Variants in COL5A1 observed in about 807,000 individuals in gnomAD.
COL5A1 encodes the protein collagen alpha-1(V) chain.
COL5A1 carries 16 observed loss-of-function variants against 263.7 expected under a neutral mutation model. That is an observed-to-expected ratio of 0.06 (90% confidence interval 0.04 to 0.09). The LOEUF (loss-of-function observed/expected upper bound fraction) is 0.09, where lower values mean the gene tolerates loss of function less well. Ranked by LOEUF, COL5A1 falls within the 10% of genes least tolerant of loss-of-function variation. The probability of loss-of-function intolerance (pLI) is 1.00; values close to 1 mark genes in which losing one functional copy is unlikely to be tolerated. For synonymous variants in COL5A1, 1,012 were observed against 1,004.5 expected (o/e 1.01, Z -0.14); for missense variants, 2,036 against 2,540.5 (o/e 0.80, Z 4.27).
intron 20 of COL5A1, 97 bp downstream of exon 20, chr9:134,763,834 C>T: frequency 8.0e-7 from 1 of 1,253,006 alleles, no homozygotes; most frequent in Admixed American, 1.9e-5. Flanking sequence ...CAGCCAGGAG[C>T]TTAGAAGAGA....
chr9:134,746,716 A>G (rs1281586936), intron 11 of COL5A1, among the ~76,000 whole-genome samples: 2 of 152,252 alleles, frequency 1.3e-5, no homozygotes, highest in Non-Finnish European at 2.9e-5. Context: ...TTGCTGTTTG[A>G]CCAAGTTAGG....
intron 27 of COL5A1, among the ~76,000 whole-genome samples, chr9:134,775,649 C>T (rs904701100): frequency 6.6e-6 from 1 of 152,180 alleles, no homozygotes; most frequent in Non-Finnish European, 1.5e-5. Context: ...TAGGCGCACG[C>T]GGACCAGCTC....
rs1039845467 is a variant in COL5A1 at position 134,642,383 on chromosome 9, A to T, written c.109+87A>T. ...CATCCCCGGGCGCCTTCGCCCGCAG[A>T]ACTTTTCTTCCTTGGCCTGTGGAAT... is the stretch of plus-strand genomic sequence containing the variant. On this transcript the variant is annotated intron_variant, in intron 1 of 65. Transcript: ENST00000371817. This position sits in a 1 kb window ranked among gnomAD's most constrained non-coding sequence, Gnocchi z 4.5. The T allele has an allele frequency of 1.1e-5, 3 of 278,126 alleles. No homozygotes were observed. Among genetic ancestry groups the T allele is most frequent in the Non-Finnish European group, 1.9e-5 (3 of 159,784 alleles). The allele number at this position is 278,126 out of a possible 1,614,324, so 17.2% of individuals were successfully genotyped here. A position where few individuals can be genotyped will look rare whatever the true frequency, so the allele number is the denominator to read the frequency against.
chr9:134,730,840 G>T (rs374893700), intron 7 of COL5A1, among the ~76,000 whole-genome samples: 1 of 152,190 alleles, frequency 6.6e-6, no homozygotes, highest in African/African-American at 2.4e-5. Flanking sequence ...CCTGGGTGTG[G>T]CCAGGCAGGA....
chr9:134,670,436 C>T (rs1832504907), intron 1 of COL5A1, among the ~76,000 whole-genome samples: 2 of 152,296 alleles, frequency 1.3e-5, no homozygotes, highest in South Asian at 4.1e-4. Context: ...CAGGTGGACC[C>T]CATGTCCGAG....
chr9:134,761,437 A>C (rs1836438845), intron 18 of COL5A1, among the ~76,000 whole-genome samples: 2 of 152,172 alleles, frequency 1.3e-5, no homozygotes, highest in African/African-American at 4.8e-5. Context: ...ATGTTCTCCA[A>C]CAACCACATG....
chr9:134,788,119 G>A (rs527420998), intron 31 of COL5A1, among the ~76,000 whole-genome samples: 2 of 149,348 alleles, frequency 1.3e-5, no homozygotes, highest in African/African-American at 4.9e-5. Context: ...GTGGGCAGGT[G>A]GGGTAGATAC....
intron 4 of COL5A1, among the ~76,000 whole-genome samples, chr9:134,702,122 C>T (rs1220602279): frequency 1.3e-5 from 2 of 152,194 alleles, no homozygotes; most frequent in Non-Finnish European, 2.9e-5. Flanking sequence ...TGGACTCTGC[C>T]CTTCCCAAGG....
At chr9:134,761,193 C>T (rs1454673488) in intron 18 of COL5A1, among the ~76,000 whole-genome samples, 2 of 146,526 alleles carry the variant, frequency 1.4e-5, no homozygotes, top group African/African-American at 2.5e-5. Flanking sequence ...CACCCCCCAT[C>T]CCCCCACATG....
intron 14 of COL5A1, 80 bp from the exon 15 acceptor site, chr9:134,753,770 C>T: frequency 6.5e-6 from 5 of 764,272 alleles, no homozygotes; most frequent in Non-Finnish European, 1.1e-5. Context: ...CCCCCTGCCC[C>T]TCCCCTGCCA....
In COL5A1 at chr9:134,754,242, C is replaced by T; in HGVS notation, c.1774-31C>T. ...CTTTCTCCTGAGAAAGGCGGACTCG[C>T]CACTGACCCTTTGTCTCTTACCCCT... On this transcript the variant is annotated intron_variant, in intron 15 of 65. Transcript: ENST00000371817. The surrounding 1 kb of genome is among the most constrained non-coding windows in gnomAD (Gnocchi z 4.3). 1 of 1,611,530 alleles carries T rather than the reference C, an allele frequency of 6.2e-7. No homozygotes were observed. The highest frequency in any genetic ancestry group is 8.5e-7 in the Non-Finnish European group (1 of 1,178,866).
rs1396538035 is a variant in COL5A1 at position 134,652,744 on chromosome 9, G to C, written c.109+10448G>C. 1 of 470,688 alleles carries C rather than the reference G, an allele frequency of 2.1e-6. No homozygotes were observed. The highest frequency in any genetic ancestry group is 2.4e-5 in the Admixed American group (1 of 42,548). The allele number at this position is 470,688 out of a possible 1,614,324, so 29.2% of individuals were successfully genotyped here. On this transcript the variant is annotated intron_variant, in intron 1 of 65. Coordinates refer to ENST00000371817, the MANE Select transcript of COL5A1 (RefSeq NM_000093.5). The surrounding 1 kb of genome is among the most constrained non-coding windows in gnomAD (Gnocchi z 4.4). ...CTCATGGCTCATTGTCAGACAGGAG[G>C]GAGGGCCTCTTCTTAGGCCGGGTCC...
At chr9:134,828,124 CA>C (rs1480141571) in intron 63 of COL5A1, among the ~76,000 whole-genome samples, 1 of 152,210 alleles carries the variant, frequency 6.6e-6, no homozygotes, top group Non-Finnish European at 1.5e-5. Context: ...TCCACGCCTG[CA>C]GCAAGTGCAC....
chr9:134,752,866 C>T (rs1249551248), intron 14 of COL5A1, among the ~76,000 whole-genome samples: 2 of 152,024 alleles, frequency 1.3e-5, no homozygotes, highest in African/African-American at 2.4e-5. Flanking sequence ...GACTGTGCCT[C>T]GAAGTCACTT....
chr9:134,766,416 A>G (rs780890766), intron 21 of COL5A1, 38 bp from the exon 22 acceptor site: 4 of 1,609,462 alleles, frequency 2.5e-6, no homozygotes, highest in Non-Finnish European at 2.6e-6. Flanking sequence ...GTTCTTTCGC[A>G]TTCAGTTACA....
At chr9:134,827,576 C>T (rs375853089) in intron 63 of COL5A1, among the ~76,000 whole-genome samples, 32 of 152,344 alleles carry the variant, frequency 2.1e-4, no homozygotes, top group African/African-American at 7.5e-4. Flanking sequence ...GTGGAAATCA[C>T]GGGCCAGACT....
intron 5 of COL5A1, among the ~76,000 whole-genome samples, chr9:134,727,846 G>A (rs549962408): frequency 6.6e-6 from 1 of 152,294 alleles, no homozygotes; most frequent in African/African-American, 2.4e-5. Context: ...TAGAGTGGCA[G>A]CCGTGCCTGA....
intron 39 of COL5A1, among the ~76,000 whole-genome samples, chr9:134,804,063 G>A (rs1172994190): frequency 1.3e-5 from 2 of 152,114 alleles, no homozygotes; most frequent in African/African-American, 2.4e-5. Flanking sequence ...ACAAAGGCAA[G>A]CTCTCCAGCC....
At chr9:134,676,523 A>G (rs970005398) in intron 1 of COL5A1, among the ~76,000 whole-genome samples, 1 of 143,474 alleles carries the variant, frequency 7.0e-6, no homozygotes, top group African/African-American at 2.7e-5. Context: ...GCCTTTCTGT[A>G]GGATTCAGCC....
Sources: allele counts gnomAD v4.1 joint callset (sites outside exome capture counted in the v4.1 genomes callset), GRCh38; gene constraint gnomAD v4.1.1; non-coding constraint Gnocchi (gnomAD v3.1); transcripts MANE v1.5; gene names NCBI Gene and HGNC (gene_info 2026-07-23, HGNC 2026-07-21).